The following PKNOX2 variants were observed in gnomAD, a reference collection of about 807,000 sequenced individuals.
PKNOX2 encodes the protein homeobox protein PKNOX2.
Under a neutral mutation model 53.1 loss-of-function variants are expected in PKNOX2, and 14 were observed. The ratio of observed to expected loss-of-function variants is 0.26; its 90% CI spans 0.17 to 0.41. The LOEUF (loss-of-function observed/expected upper bound fraction) is 0.41. Among genes scored for constraint, PKNOX2 ranks in the 10% least tolerant of loss-of-function variants. PKNOX2 has a pLI of 1.00. For synonymous variants in PKNOX2, 257 were observed against 242.8 expected (o/e 1.06, Z -0.54); for missense variants, 496 against 602.8 (o/e 0.82, Z 1.85).
rs534448203 is a variant in PKNOX2, at chr11:125,315,303, GAAAAAA to G, written c.-129-16496_-129-16491del. The stretch of plus-strand genomic sequence containing the variant: ...ATTCACTTTACTGTTTGTGAAGCAG[GAAAAAA>G]AAAAAAAAAAAAAAAAAAACACCTC... On this transcript the variant is annotated intron_variant, in intron 2 of 12. Transcript: ENST00000298282. 4.7e-3 allele frequency among the ~76,000 whole-genome samples: 374 copies of G among 79,440 alleles called. 4 individuals are homozygous for G. Among genetic ancestry groups the G allele is most frequent in the African/African-American group, 0.013 (347 of 25,714 alleles). The allele number at this position is 79,440 out of a possible 152,430, so 52.1% of individuals were successfully genotyped here.
rs200816254 is a variant in PKNOX2 at position 125,378,107 on chromosome 11, CTCTGGT to C, written c.228-7439_228-7434del. The stretch of plus-strand genomic sequence containing the variant: ...TTGGGAAAGTAGTTTCTAGGCTATT[CTCTGGT>C]TCTGAGATCCCAGTGGTGTCTGGCC... On this transcript the variant is annotated intron_variant, in intron 5 of 12. Transcript: ENST00000298282. Among the ~76,000 whole-genome samples the C allele has an allele frequency of 2.6e-3, 400 of 152,350 alleles. 1 individual carries two copies. Among genetic ancestry groups the C allele is most frequent in the African/African-American group, 9.1e-3 (378 of 41,582 alleles).
At chr11:125,188,784 G>A (rs1956606393) in intron 1 of PKNOX2, among the ~76,000 whole-genome samples, 1 of 152,102 alleles carries the variant, frequency 6.6e-6, no homozygotes, top group Non-Finnish European at 1.5e-5. Context: ...GTCGCTGGAG[G>A]TGTGTAAGAT....
At chr11:125,322,981 C>T (rs1949612973) in intron 2 of PKNOX2, among the ~76,000 whole-genome samples, 1 of 152,154 alleles carries the variant, frequency 6.6e-6, no homozygotes, top group African/African-American at 2.4e-5. Flanking sequence ...TACATAAAGT[C>T]TTATTAACAC....
chr11:125,388,182 G>A lies in PKNOX2; in HGVS notation c.399+2460G>A, dbSNP rs561393200. 2.0e-3 allele frequency among the ~76,000 whole-genome samples: 302 copies of A among 152,050 alleles called. 2 individuals carry two copies. Among genetic ancestry groups the A allele is most frequent in the African/African-American group, 6.9e-3 (286 of 41,450 alleles). ...CCCCTGGTCCTGTGTCAGGAAGTGGGAGGTAAAGAGGCCAACCACCGGAGC... is the reference window on the plus strand; with the variant it reads ...CCCCTGGTCCTGTGTCAGGAAGTGGAAGGTAAAGAGGCCAACCACCGGAGC... On this transcript the variant is annotated intron_variant, in intron 6 of 12. Coordinates refer to ENST00000298282, the MANE Select transcript of PKNOX2 (RefSeq NM_001382323.2).
intron 2 of PKNOX2, among the ~76,000 whole-genome samples, chr11:125,262,243 T>G (rs1334714944): frequency 6.6e-6 from 1 of 152,018 alleles, no homozygotes; most frequent in Non-Finnish European, 1.5e-5. Flanking sequence ...TTTATGCAGC[T>G]GCGTCTCCCC....
chr11:125,188,399 G>A (rs191183036), intron 1 of PKNOX2, among the ~76,000 whole-genome samples: 312 of 152,274 alleles, frequency 2.0e-3, no homozygotes, highest in South Asian at 4.6e-3. Context: ...ATTCATTGCT[G>A]CAAGGATTCA....
chr11:125,371,115 G>T (rs2136290556), intron 5 of PKNOX2, among the ~76,000 whole-genome samples: 1 of 152,162 alleles, frequency 6.6e-6, no homozygotes, highest in Non-Finnish European at 1.5e-5. Context: ...GGGGACGGAG[G>T]GCAGCGTCTG....
chr11:125,286,873 G>C (rs1167841077), intron 2 of PKNOX2, among the ~76,000 whole-genome samples: 1 of 152,238 alleles, frequency 6.6e-6, no homozygotes, highest in Non-Finnish European at 1.5e-5. Context: ...GGGAAGAACA[G>C]CGTATGTTGT....
intron 2 of PKNOX2, among the ~76,000 whole-genome samples, chr11:125,282,945 A>G (rs1044844545): frequency 1.3e-5 from 2 of 152,172 alleles, no homozygotes; most frequent in South Asian, 4.1e-4. Context: ...TGAGGTCAGG[A>G]GTTCGAGACC....
intron 1 of PKNOX2, among the ~76,000 whole-genome samples, chr11:125,203,313 G>A (rs1049911739): frequency 2.6e-5 from 4 of 152,152 alleles, no homozygotes; most frequent in African/African-American, 9.7e-5. Flanking sequence ...TCGCTATGTT[G>A]GCCAGGCTGG....
chr11:125,250,084 A>C (rs1457706578), intron 2 of PKNOX2, among the ~76,000 whole-genome samples: 4 of 151,080 alleles, frequency 2.6e-5, no homozygotes, highest in Non-Finnish European at 4.4e-5. Flanking sequence ...AAAAAAAAAA[A>C]AAAAAAACAA....
chr11:125,267,350 C>G (rs1458416293), intron 2 of PKNOX2, among the ~76,000 whole-genome samples: 1 of 152,168 alleles, frequency 6.6e-6, no homozygotes, highest in Non-Finnish European at 1.5e-5. Flanking sequence ...ATGTGCTTGT[C>G]CTGAAGGCTT....
At chr11:125,209,977 C>T (rs1939631303) in intron 1 of PKNOX2, among the ~76,000 whole-genome samples, 1 of 152,056 alleles carries the variant, frequency 6.6e-6, no homozygotes, top group East Asian at 1.9e-4. Context: ...CAGAGGTGGC[C>T]CAGGATGCAT....
At chr11:125,288,179 C>G (rs978055945) in intron 2 of PKNOX2, 2 of 152,222 alleles carry the variant, frequency 1.3e-5, no homozygotes, top group Non-Finnish European at 2.9e-5. Context: ...AGTCCTGGAC[C>G]TTTCTGTCCA....
At chr11:125,339,843 C>T (rs11220028) in intron 3 of PKNOX2, among the ~76,000 whole-genome samples, 9,367 of 152,318 alleles carry the variant, frequency 0.061, 371 homozygotes, top group Middle Eastern at 0.082. Context: ...CTTTGAGATG[C>T]AGTCTTCAGC....
At chr11:125,353,253 G>A (rs1047926868) in intron 4 of PKNOX2, among the ~76,000 whole-genome samples, 1 of 152,194 alleles carries the variant, frequency 6.6e-6, no homozygotes, top group Non-Finnish European at 1.5e-5. Flanking sequence ...ACAGACCAGG[G>A]CAGGGCTGAG....
At chr11:125,186,497 A>T (rs1047215330) in intron 1 of PKNOX2, among the ~76,000 whole-genome samples, 1 of 152,044 alleles carries the variant, frequency 6.6e-6, no homozygotes, top group South Asian at 2.1e-4. Context: ...ACCAAAAAAT[A>T]AAAAATTAGC....
intron 4 of PKNOX2, among the ~76,000 whole-genome samples, chr11:125,359,120 T>A (rs1591541258): frequency 6.6e-6 from 1 of 151,518 alleles, no homozygotes; most frequent in Non-Finnish European, 1.5e-5. Context: ...GGCAGGAAGG[T>A]GGACACCATC....
intron 2 of PKNOX2, among the ~76,000 whole-genome samples, chr11:125,257,656 G>A (rs1198569687): frequency 4.6e-5 from 7 of 152,226 alleles, no homozygotes; most frequent in Non-Finnish European, 1.0e-4. Context: ...AGGTAAGGAT[G>A]AAAAGGGATG....
Sources: allele counts gnomAD v4.1 joint callset (sites outside exome capture counted in the v4.1 genomes callset), GRCh38; gene constraint gnomAD v4.1.1; transcripts MANE v1.5; gene names NCBI Gene and HGNC (gene_info 2026-07-23, HGNC 2026-07-21).